The following TASOR2 variants were observed in gnomAD, a reference collection of about 807,000 sequenced individuals.
The protein encoded by TASOR2 is transcription activation suppressor family member 2.
Under a neutral mutation model 199.5 loss-of-function variants are expected in TASOR2, and 84 were observed. The observed-to-expected ratio is 0.42, with a 90% CI of 0.35 to 0.50. The LOEUF (loss-of-function observed/expected upper bound fraction) is 0.50, where lower values mean the gene tolerates loss of function less well. Among genes scored for constraint, TASOR2 ranks in the 20% least tolerant of loss-of-function variants. The pLI is 0.02. For synonymous variants in TASOR2, 1,103 were observed against 1,046.6 expected (o/e 1.05, Z -1.04); for missense variants, 2,796 against 2,835.9 (o/e 0.99, Z 0.32).
In TASOR2 at chr10:5,754,131, C is replaced by G. The variant is rs1588909405; in HGVS notation, c.6607-2482C>G. 6.6e-6 allele frequency among the ~76,000 whole-genome samples: 1 copy of G among 152,016 alleles called. No homozygotes were observed. Among genetic ancestry groups the G allele is most frequent in the Non-Finnish European group, 1.5e-5 (1 of 67,998 alleles). On this transcript the variant is annotated intron_variant, in intron 15 of 20. Transcript: ENST00000328090. This position sits in a 1 kb window ranked among gnomAD's most constrained non-coding sequence, Gnocchi z 4.3. ...ACCAGCCTAGCCAATATAGTGAAAC[C>G]CCGTCTCTACTAAAAATAAAAAAAT... is the stretch of plus-strand genomic sequence containing the variant.
rs1426833877 is a variant in TASOR2, at chr10:5,710,190, ATC to A, written c.-287-2631_-287-2630del. On this transcript the variant is annotated intron_variant, in intron 1 of 20. Transcript: ENST00000328090. The surrounding 1 kb of genome is among the most constrained non-coding windows in gnomAD (Gnocchi z 4.6). ...CGTCAAATTTCTAGATGAAATTTTC[ATC>A]TGTCTCCTCATTTACTGAACAGGAA... Among the ~76,000 whole-genome samples the A allele has an allele frequency of 6.6e-6, 1 of 152,100 alleles. No individual in the cohort carries two copies. The highest frequency in any genetic ancestry group is 2.4e-5 in the African/African-American group (1 of 41,436).
chr10:5,740,024 A>G lies in TASOR2; in HGVS notation c.1854A>G (p.Glu618=), dbSNP rs747073024. 10 of 1,614,112 alleles carry G rather than the reference A, an allele frequency of 6.2e-6. No individual in the cohort carries two copies. In the East Asian group the frequency reaches 2.2e-4, roughly 36 times the overall value. Residue 618 remains glutamate (E), a synonymous_variant, in exon 13 of 21, where the codon GAA becomes GAG. Transcript: ENST00000328090. This position sits in a 1 kb window ranked among gnomAD's most constrained non-coding sequence, Gnocchi z 5.3. The stretch of plus-strand genomic sequence containing the variant: ...ACTTAACAGTTAGCCAAGATGAAGA[A>G]AGCTTGGTTCCTTGTAGTCAGGCCC...
Position 5,721,446 on chromosome 10 carries a change from A to T in TASOR2, c.146+476A>T, listed in dbSNP as rs983354625. Among the ~76,000 whole-genome samples, 19 of 152,184 alleles carry T rather than the reference A, an allele frequency of 1.2e-4. 1 individual carries two copies. In the East Asian group the frequency reaches 1.7e-3, roughly 14 times the overall value. On this transcript the variant is annotated intron_variant, in intron 6 of 20. Coordinates refer to ENST00000328090, the Ensembl canonical transcript of TASOR2. The stretch of plus-strand genomic sequence containing the variant: ...ACATCTTAGGAAATCTTTTTGGTTC[A>T]TCCTGTTCTTAGTTTGTACCCAAAA...
chr10:5,748,263 T>A lies in TASOR2; in HGVS notation c.4842T>A (p.Ser1614Arg). The A allele has an allele frequency of 6.2e-7, 1 of 1,614,148 alleles. No homozygotes were observed. The highest frequency in any genetic ancestry group is 8.5e-7 in the Non-Finnish European group (1 of 1,180,024). Reference sequence around the variant, plus strand: ...AACAGCAGACTAGCCCTAAAAGCAGTCAGAACCATCTCTTTCCCGGTGATT... The same window carrying A: ...AACAGCAGACTAGCCCTAAAAGCAGACAGAACCATCTCTTTCCCGGTGATT... Residue 1614 changes from serine (S) to arginine (R), a missense_variant, in exon 15 of 21, where the codon AGT (serine) becomes AGA (arginine). Around this residue, in one of 3 missense-constraint regions of TASOR2, gnomAD observed 1,941 missense variants for 1,924.9 expected, o/e 1.01. Coordinates refer to ENST00000328090, the Ensembl canonical transcript of TASOR2. The surrounding 1 kb of genome is among the most constrained non-coding windows in gnomAD (Gnocchi z 5.1).
chr10:5,755,430 C>G (rs924197701), intron 15 of TASOR2, among the ~76,000 whole-genome samples: 2 of 151,354 alleles, frequency 1.3e-5, no homozygotes, highest in Non-Finnish European at 2.9e-5. Flanking sequence ...AAAAATAAGC[C>G]AGGCGTGGTG....
Position 5,740,518 on chromosome 10 carries a change from G to A in TASOR2, c.2327+21G>A. 1.3e-6 allele frequency: 2 copies of A among 1,593,114 alleles called. No individual in the cohort carries two copies. Among genetic ancestry groups the A allele is most frequent in the Non-Finnish European group, 1.7e-6 (2 of 1,171,830 alleles). On this transcript the variant is annotated intron_variant, in intron 13 of 20. Transcript: ENST00000328090. This position sits in a 1 kb window ranked among gnomAD's most constrained non-coding sequence, Gnocchi z 5.3. ...CATGGGTGAGTATGAGTGAAACTTA[G>A]TGAAAATGGATGAAACTTTTCTGTT...
chr10:5,735,180 G>A, intron 11 of TASOR2, 124 bp from the exon 13 acceptor site: 1 of 1,133,026 alleles, frequency 8.8e-7, no homozygotes, highest in Non-Finnish European at 1.3e-6. Flanking sequence ...AAACTTCATA[G>A]TTTATTCCCC....
intron 17 of TASOR2, among the ~76,000 whole-genome samples, chr10:5,758,415 C>T (rs1839281743): frequency 6.6e-6 from 1 of 152,056 alleles, no homozygotes; most frequent in African/African-American, 2.4e-5. Context: ...GTAGTGTGTG[C>T]CTGTAGTCCC....
At chr10:5,739,823 A>G (rs1310052303) in exon 13 of TASOR2, 2 of 1,614,220 alleles carry the variant, frequency 1.2e-6, no homozygotes, top group Non-Finnish European at 1.7e-6. Context: ...CCACACCAGT[A>G]TCTGAGGCTA....
intron 1 of TASOR2, among the ~76,000 whole-genome samples, chr10:5,697,769 C>T (rs754369065): frequency 1.1e-4 from 17 of 152,102 alleles, no homozygotes; most frequent in Non-Finnish European, 2.2e-4. Flanking sequence ...CTCCCTACAC[C>T]CTGAATCTTC....
chr10:5,724,568 TTTTTC>T, intron 8 of TASOR2, 35 bp downstream of exon 9: 5 of 873,986 alleles, frequency 5.7e-6, no homozygotes, highest in Non-Finnish European at 7.8e-6. Flanking sequence ...AATTATTATG[TTTTTC>T]TTTAATTGAT....
exon 15 of TASOR2, chr10:5,747,293 C>T: frequency 6.2e-7 from 1 of 1,614,132 alleles, no homozygotes; most frequent in South Asian, 1.1e-5. Context: ...ATATCACCAC[C>T]TACAAGTCCC....
In TASOR2 at chr10:5,748,321, A is replaced by G. The variant is rs771797795; in HGVS notation, c.4900A>G (p.Lys1634Glu). ...AGATGAAGGCATTTATCTGCAGGTG[A>G]AGTCCTTGACAGCTGCCTCGGTTGA... Residue 1634 changes from lysine (K) to glutamate (E), a missense_variant, in exon 15 of 21, where the codon AAG (lysine) becomes GAG (glutamate). This residue lies in a region of TASOR2 where 1,941 missense variants were observed against 1,924.9 expected (regional missense o/e 1.01). Transcript: ENST00000328090. The surrounding 1 kb of genome is among the most constrained non-coding windows in gnomAD (Gnocchi z 5.1). 2.2e-5 allele frequency: 35 copies of G among 1,614,122 alleles called. No homozygotes were observed. Among genetic ancestry groups the G allele is most frequent in the Non-Finnish European group, 2.5e-5 (29 of 1,180,052 alleles).
At chr10:5,686,174 A>G (rs72774050) in intron 1 of TASOR2, among the ~76,000 whole-genome samples, 4,272 of 152,288 alleles carry the variant, frequency 0.028, 125 homozygotes, top group African/African-American at 0.073. Context: ...AAGGGTGACA[A>G]AAGGTCCACA....
intron 1 of TASOR2, chr10:5,709,437 A>G (rs1831633744): frequency 7.7e-6 from 6 of 780,594 alleles, no homozygotes; most frequent in Non-Finnish European, 5.2e-6. Flanking sequence ...AATTATTCCT[A>G]ATACAAATTA....
rs1424273601 is a variant in TASOR2, at chr10:5,720,632, A to T, written c.-11A>T. 3.7e-6 allele frequency: 6 copies of T among 1,613,944 alleles called. No homozygotes were observed. The highest frequency in any genetic ancestry group is 5.1e-6 in the Non-Finnish European group (6 of 1,180,000). On this transcript the variant is annotated 5_prime_UTR_variant, in exon 4 of 21. Coordinates refer to ENST00000328090, the Ensembl canonical transcript of TASOR2. The surrounding 1 kb of genome is among the most constrained non-coding windows in gnomAD (Gnocchi z 5.3). ...GTAATTGTAGCTTTTCGATACAGGG[A>T]ATCTAAAACTATGGCACCACCAGCT...
chr10:5,712,304 G>A (rs1832024813), intron 1 of TASOR2: 1 of 897,996 alleles, frequency 1.1e-6, no homozygotes, highest in South Asian at 5.9e-5. Context: ...AAAGGAATAG[G>A]TGATGTTTTG....
chr10:5,761,061 G>T, intron 18 of TASOR2: 1 of 473,748 alleles, frequency 2.1e-6, no homozygotes, highest in Non-Finnish European at 3.8e-6. Context: ...ATTGGTCGTA[G>T]GTAGATGCAT....
intron 11 of TASOR2, among the ~76,000 whole-genome samples, 157 bp downstream of exon 12, chr10:5,731,360 C>T (rs1390925096): frequency 1.3e-5 from 2 of 152,176 alleles, no homozygotes; most frequent in African/African-American, 2.4e-5. Context: ...GACACCCTGT[C>T]TCTACTAAAA....
Sources: gnomAD v4.1 joint callset for allele counts (sites outside exome capture counted in the v4.1 genomes callset) on GRCh38, gnomAD v4.1.1 for gene constraint, gnomAD v4.1.1 regional missense constraint, Gnocchi (gnomAD v3.1) non-coding constraint, MANE v1.5 for transcripts, NCBI Gene and HGNC (gene_info 2026-07-23, HGNC 2026-07-21) for gene names.